Variants in PLEKHA6 observed in about 807,000 individuals in gnomAD.
The protein encoded by PLEKHA6 is pleckstrin homology domain-containing family A member 6.
A neutral mutation model predicts 116.7 loss-of-function variants in PLEKHA6; 60 were observed. The observed-to-expected ratio is 0.51, with a 90% CI of 0.42 to 0.64. The LOEUF (loss-of-function observed/expected upper bound fraction) is 0.64, where lower values mean the gene tolerates loss of function less well. Among genes scored for constraint, PLEKHA6 ranks in the 30% least tolerant of loss-of-function variants. PLEKHA6 has a pLI of 0.00. For synonymous variants in PLEKHA6, 489 were observed against 556.1 expected, an observed-to-expected ratio of 0.88 and a Z score of 1.70; for missense variants, 1,338 against 1,422.7, an observed-to-expected ratio of 0.94 and a Z score of 0.96.
At chr1:204,256,869 C>T (rs1665373992) in intron 9 of PLEKHA6, 1 of 658,328 alleles carries the variant, frequency 1.5e-6, no homozygotes, top group Non-Finnish European at 2.7e-6. Context: ...GACTGGCCGC[C>T]TGTCTCCCAG....
At position 204,241,837 on chromosome 1, in the gene PLEKHA6, T is replaced by C. The variant is rs367744680; in HGVS notation, c.2173-23A>G. The C allele has an allele frequency of 1.4e-5, 23 of 1,613,598 alleles. No individual in the cohort carries two copies. In the African/African-American group the frequency reaches 2.9e-4, roughly 21 times the overall value. On this transcript the variant is annotated intron_variant, in intron 15 of 22. Coordinates refer to ENST00000272203, the MANE Select transcript of PLEKHA6 (RefSeq NM_014935.5). ...GGGCTGGGGAGAAAGGGTGAGAAGA[T>C]GGTTGATGTTAGTATGGCTGTCAGG...
intron 1 of PLEKHA6, among the ~76,000 whole-genome samples, chr1:204,302,474 T>C (rs768021767): frequency 5.3e-5 from 8 of 152,220 alleles, no homozygotes; most frequent in Middle Eastern, 3.2e-3. Flanking sequence ...AATTTAGCTG[T>C]ACTCCCTAAT....
At chr1:204,274,140 C>T (rs1667769857) in intron 2 of PLEKHA6, among the ~76,000 whole-genome samples, 1 of 151,852 alleles carries the variant, frequency 6.6e-6, no homozygotes, top group Non-Finnish European at 1.5e-5. Context: ...CTATGTGGCC[C>T]AGGATGGTCT....
At chr1:204,362,201 A>C (rs1211503648), upstream of PLEKHA6, among the ~76,000 whole-genome samples, 1 of 152,196 alleles carries the variant, frequency 6.6e-6, no homozygotes, top group African/African-American at 2.4e-5. Context: ...AGGCGGATGG[A>C]CCAGAGATAA....
chr1:204,349,727 C>T (rs1434428534), intron 1 of PLEKHA6, among the ~76,000 whole-genome samples: 4 of 152,088 alleles, frequency 2.6e-5, no homozygotes, highest in African/African-American at 9.7e-5. Context: ...TCGTTGACTT[C>T]ATAGATCAGA....
chr1:204,329,206 T>C (rs977529340), intron 1 of PLEKHA6, among the ~76,000 whole-genome samples: 1 of 152,232 alleles, frequency 6.6e-6, no homozygotes, highest in Non-Finnish European at 1.5e-5. Flanking sequence ...TTATTTGGAA[T>C]GTTTCAGGCT....
At chr1:204,307,700 C>A (rs531586811) in intron 1 of PLEKHA6, 89 of 180,176 alleles carry the variant, frequency 4.9e-4, no homozygotes, top group South Asian at 1.3e-3. Context: ...ACCCCGCCTG[C>A]TCATTGGAAA....
intron 1 of PLEKHA6, chr1:204,299,551 G>T: frequency 1.2e-6 from 1 of 857,558 alleles, no homozygotes; most frequent in Non-Finnish European, 1.4e-6. Context: ...CAGCCAGCAA[G>T]CTGACACAGC....
chr1:204,274,633 C>T (rs764079881), intron 2 of PLEKHA6, 96 bp downstream of exon 2: 52 of 985,818 alleles, frequency 5.3e-5, no homozygotes, highest in Non-Finnish European at 6.0e-5. Flanking sequence ...TTTCCTTCCC[C>T]TCCCTGTTGC....
In PLEKHA6 at chr1:204,220,688, G is replaced by A. The variant is rs936352769; in HGVS notation, c.*2100C>T. Reference sequence around the variant, plus strand: ...ATAAGGGAGAGAAAAACAGGCCTGGGCAGGAACTGTAGGAAAAGATCAGAC... The same window carrying A: ...ATAAGGGAGAGAAAAACAGGCCTGGACAGGAACTGTAGGAAAAGATCAGAC... On this transcript the variant is annotated 3_prime_UTR_variant, in exon 23 of 23. Coordinates refer to ENST00000272203, the MANE Select transcript of PLEKHA6 (RefSeq NM_014935.5). The A allele has an allele frequency of 1.3e-5, 2 of 152,592 alleles. No homozygotes were observed. The highest frequency in any genetic ancestry group is 2.9e-5 in the Non-Finnish European group (2 of 68,018). 9.5% of individuals were successfully genotyped at this position (152,592 alleles called of 1,614,324 possible).
At position 204,248,931 on chromosome 1, in the gene PLEKHA6, G is replaced by A. The variant is rs1314924320; in HGVS notation, c.1714C>T (p.Leu572=). ...ESALMGTHQE[L]EMFGSQPAYP... is the part of the protein sequence containing the mutation. ...GCGGGCTGGCTTCCAAACATCTCCA[G>A]CTCCTGGTGGGTCCCCATCAAGGCA... The change falls in exon 12 of 23, where the codon CTG becomes TTG. Residue 572 remains leucine, a synonymous_variant. Coordinates refer to ENST00000272203, the MANE Select transcript of PLEKHA6 (RefSeq NM_014935.5). The A allele has an allele frequency of 1.4e-5, 23 of 1,614,010 alleles. No homozygotes were observed. Among genetic ancestry groups the A allele is most frequent in the Non-Finnish European group, 1.8e-5 (21 of 1,180,018 alleles).
chr1:204,290,741 G>T (rs1183903410), intron 1 of PLEKHA6, among the ~76,000 whole-genome samples: 1 of 152,166 alleles, frequency 6.6e-6, no homozygotes, highest in Non-Finnish European at 1.5e-5. Context: ...TGTAATCCCA[G>T]CACTTTCGGG....
In PLEKHA6 at chr1:204,228,799, G is replaced by A. The variant is rs375122515; in HGVS notation, c.2814C>T (p.Pro938=). 7.0e-5 allele frequency: 113 copies of A among 1,613,084 alleles called. No homozygotes were observed. The South Asian group carries it at 1.1e-3, about 16-fold the overall frequency. The change falls in exon 20 of 23, where the codon CCC becomes CCT. Residue 938 remains proline (P), a synonymous_variant. Transcript: ENST00000272203. This position sits in a 1 kb window ranked among gnomAD's most constrained non-coding sequence, Gnocchi z 4.0. The part of the protein sequence containing the change: ...ERYIDLEPDT[P]LSPEELKEKQ... ...TCTCCTTCAACTCCTCAGGGCTCAGGGGAGTGTCAGGCTCCAGGTCAATGT... is the reference window on the plus strand; with the variant it reads ...TCTCCTTCAACTCCTCAGGGCTCAGAGGAGTGTCAGGCTCCAGGTCAATGT...
At chr1:204,335,035 T>C (rs181522397) in intron 1 of PLEKHA6, among the ~76,000 whole-genome samples, 367 of 152,286 alleles carry the variant, frequency 2.4e-3, no homozygotes, top group Middle Eastern at 0.014. Context: ...AACTGAAACT[T>C]TGTACCCTTT....
intron 17 of PLEKHA6, among the ~76,000 whole-genome samples, chr1:204,234,730 C>T (rs1317959315): frequency 6.6e-6 from 1 of 151,768 alleles, no homozygotes; most frequent in Non-Finnish European, 1.5e-5. Flanking sequence ...ACAATCTAAT[C>T]AGCTGCCAGT....
At chr1:204,370,643 T>G (rs1673756321) in intron 2 of PLEKHA6, among the ~76,000 whole-genome samples, 1 of 152,242 alleles carries the variant, frequency 6.6e-6, no homozygotes, top group South Asian at 2.1e-4. Flanking sequence ...CTACCAGTGA[T>G]GTTTTCTCCA....
At chr1:204,304,195 A>G (rs1671075250) in intron 1 of PLEKHA6, among the ~76,000 whole-genome samples, 2 of 152,196 alleles carry the variant, frequency 1.3e-5, no homozygotes, top group South Asian at 4.1e-4. Flanking sequence ...CTCATTTCCA[A>G]AAGGTGACTG....
Position 204,259,816 on chromosome 1 carries a change from A to C in PLEKHA6, c.525-76T>G. On this transcript the variant is annotated intron_variant, in intron 7 of 22. Coordinates refer to ENST00000272203, the MANE Select transcript of PLEKHA6 (RefSeq NM_014935.5). This position sits in a 1 kb window ranked among gnomAD's most constrained non-coding sequence, Gnocchi z 4.6. ...TGGGGCAGGGGGTGCCAGACTGGGA[A>C]GAAGAGGAGTGGGGAAGGATGGGCA... 3.4e-6 allele frequency: 5 copies of C among 1,473,280 alleles called. No individual in the cohort carries two copies. Among genetic ancestry groups the C allele is most frequent in the Non-Finnish European group, 4.5e-6 (5 of 1,101,426 alleles). 91.3% of individuals were successfully genotyped at this position (1,473,280 alleles called of 1,614,324 possible).
chr1:204,297,945 T>A, intron 1 of PLEKHA6: 1 of 973,190 alleles, frequency 1.0e-6, no homozygotes, highest in Non-Finnish European at 1.2e-6. Flanking sequence ...CCCCTACTCC[T>A]CATATCTCTC....
Sources: allele counts gnomAD v4.1 joint callset (sites outside exome capture counted in the v4.1 genomes callset), GRCh38; gene constraint gnomAD v4.1.1; non-coding constraint Gnocchi (gnomAD v3.1); transcripts MANE v1.5; gene names NCBI Gene and HGNC (gene_info 2026-07-23, HGNC 2026-07-21).